RIMS2: variants seen among roughly 807,000 people sequenced by gnomAD.
RIMS2 encodes the protein regulating synaptic membrane exocytosis protein 2.
In RIMS2, 59 loss-of-function variants were observed where a neutral mutation model predicts 174.4. The observed-to-expected ratio is 0.34, with a 90% CI of 0.27 to 0.42. The LOEUF (loss-of-function observed/expected upper bound fraction) is 0.42, where lower values mean the gene tolerates loss of function less well. RIMS2 is among the 10% of genes least tolerant of loss of function. RIMS2 has a pLI of 1.00. For synonymous variants in RIMS2, 606 were observed against 572.5 expected (o/e 1.06, Z -0.84); for missense variants, 1,620 against 1,666.3 (o/e 0.97, Z 0.48).
intron 19 of RIMS2, chr8:104,223,937 A>G: frequency 1.5e-6 from 1 of 660,446 alleles, no homozygotes; most frequent in Non-Finnish European, 2.5e-6. Context: ...CGACAGCCCT[A>G]GAGCACGTCA....
intron 3 of RIMS2, among the ~76,000 whole-genome samples, chr8:103,785,034 G>A (rs1250457710): frequency 7.1e-6 from 1 of 141,224 alleles, no homozygotes; most frequent in East Asian, 2.0e-4. Flanking sequence ...TGAAGCAATT[G>A]TGAATGGGAG....
chr8:103,985,204 G>A (rs1036594350), intron 16 of RIMS2, among the ~76,000 whole-genome samples: 4 of 151,928 alleles, frequency 2.6e-5, no homozygotes, highest in Admixed American at 1.3e-4. Flanking sequence ...GGCCAGGCAC[G>A]GTGGCTTACA....
At chr8:103,572,044 G>A (rs1008226515) in intron 1 of RIMS2, among the ~76,000 whole-genome samples, 7 of 152,038 alleles carry the variant, frequency 4.6e-5, no homozygotes, top group Admixed American at 6.6e-5. Context: ...ACGGACCCTC[G>A]CAGTGAGTGT....
At chr8:103,930,832 A>C (rs530250702) in intron 11 of RIMS2, among the ~76,000 whole-genome samples, 2 of 152,256 alleles carry the variant, frequency 1.3e-5, no homozygotes, top group African/African-American at 4.8e-5. Flanking sequence ...ATTTACTTAA[A>C]AATTCCCTAT....
rs1279797845 is a variant in RIMS2 at position 103,910,532 on chromosome 8, A to G, written c.1692+331A>G. ...AGGAGCATAGCCATAGTGATAAGGT[A>G]CTGAGATTGTGGAGCCTGCCTTTTA... On this transcript the variant is annotated intron_variant, in intron 5 of 23. Transcript: ENST00000504942. The G allele has an allele frequency of 1.9e-6, 3 of 1,573,238 alleles. No homozygotes were observed. The highest frequency in any genetic ancestry group is 1.7e-6 in the Non-Finnish European group (2 of 1,157,472).
At chr8:103,924,649 C>T (rs2078384414) in intron 10 of RIMS2, among the ~76,000 whole-genome samples, 2 of 151,520 alleles carry the variant, frequency 1.3e-5, no homozygotes, top group Non-Finnish European at 3.0e-5. Flanking sequence ...TGCCTGAGAA[C>T]AATGATAATT....
chr8:103,785,002 TTC>T (rs1265750529), intron 3 of RIMS2, among the ~76,000 whole-genome samples: 1 of 141,958 alleles, frequency 7.0e-6, no homozygotes, highest in African/African-American at 2.7e-5. Context: ...GTAAGTTGGA[TTC>T]CTAGGTATTT....
intron 19 of RIMS2, among the ~76,000 whole-genome samples, chr8:104,040,425 T>C (rs932692334): frequency 1.3e-5 from 2 of 151,676 alleles, no homozygotes; most frequent in Non-Finnish European, 3.0e-5. Context: ...TTAACAGACA[T>C]TTTTCTGTTT....
intron 17 of RIMS2, among the ~76,000 whole-genome samples, chr8:103,991,759 G>C (rs141349257): frequency 2.6e-5 from 4 of 152,140 alleles, no homozygotes; most frequent in African/African-American, 9.6e-5. Context: ...TTTTTTATAG[G>C]ATTTGAAACC....
intron 1 of RIMS2, among the ~76,000 whole-genome samples, chr8:103,504,391 T>A (rs191342243): frequency 1.8e-3 from 280 of 152,258 alleles, no homozygotes; most frequent in Non-Finnish European, 2.1e-3. Flanking sequence ...TGTGGGACAA[T>A]GAGGAATCAT....
intron 1 of RIMS2, among the ~76,000 whole-genome samples, chr8:103,590,590 A>T (rs1296711088): frequency 8.5e-6 from 1 of 117,038 alleles, no homozygotes; most frequent in African/African-American, 3.2e-5. Context: ...CCCACCATCT[A>T]GATGTTACAA....
chr8:103,912,225 G>C, intron 6 of RIMS2, 53 bp downstream of exon 9: 1 of 1,405,808 alleles, frequency 7.1e-7, no homozygotes, highest in Non-Finnish European at 9.8e-7. Flanking sequence ...AGATTTACCA[G>C]AAAAGCAAAG....
At chr8:103,782,655 A>C (rs10096287) in intron 3 of RIMS2, among the ~76,000 whole-genome samples, 34,944 of 152,068 alleles carry the variant, frequency 0.23, 4,304 homozygotes, top group Non-Finnish European at 0.25. Context: ...TTCATTAGCC[A>C]ACACAATATT....
chr8:104,245,134 C>G, intron 20 of RIMS2, 77 bp downstream of exon 26: 1 of 1,440,938 alleles, frequency 6.9e-7, no homozygotes, highest in Non-Finnish European at 9.6e-7. Flanking sequence ...CAGAGATTTT[C>G]CAACTCTCAT....
chr8:103,759,564 C>CAAAAAAAAAAAA (rs35946104), intron 2 of RIMS2, among the ~76,000 whole-genome samples: 87 of 69,736 alleles, frequency 1.2e-3, no homozygotes, highest in East Asian at 3.8e-3. Flanking sequence ...GACTCCGTCT[C>CAAAAAAAAAAAA]AAAAAAAAAA....
intron 3 of RIMS2, among the ~76,000 whole-genome samples, chr8:103,868,021 T>G (rs1387161554): frequency 6.6e-6 from 1 of 152,076 alleles, no homozygotes; most frequent in Non-Finnish European, 1.5e-5. Flanking sequence ...AATTTGTTTT[T>G]GGCTTCATTT....
At chr8:103,994,208 A>G (rs754707692) in intron 17 of RIMS2, among the ~76,000 whole-genome samples, 5 of 152,064 alleles carry the variant, frequency 3.3e-5, no homozygotes, top group Non-Finnish European at 5.9e-5. Context: ...CATTCGGCTA[A>G]TTTCATATAG....
At chr8:103,695,458 GAC>G (rs1345755058) in intron 1 of RIMS2, among the ~76,000 whole-genome samples, 1 of 151,566 alleles carries the variant, frequency 6.6e-6, no homozygotes, top group Non-Finnish European at 1.5e-5. Flanking sequence ...AAGTTTTTGA[GAC>G]ACATTTTATT....
In RIMS2 at chr8:103,699,570, C is replaced by A. The variant is rs1458857123; in HGVS notation, c.387+2274C>A. ...ATTGATTTTTCTTTGTTGTTGATTTCTGCTTTGATCTTTTTTTCTTTTTTC... is the reference window on the plus strand; with the variant it reads ...ATTGATTTTTCTTTGTTGTTGATTTATGCTTTGATCTTTTTTTCTTTTTTC... On this transcript the variant is annotated intron_variant, in intron 2 of 23. Coordinates refer to ENST00000504942, the Ensembl canonical transcript of RIMS2. 2.0e-5 allele frequency among the ~76,000 whole-genome samples: 3 copies of A among 151,980 alleles called. No individual in the cohort carries two copies. In the East Asian group the frequency reaches 5.8e-4, roughly 29 times the overall value.
Sources: gnomAD v4.1 joint callset for allele counts (sites outside exome capture counted in the v4.1 genomes callset) on GRCh38, gnomAD v4.1.1 for gene constraint, MANE v1.5 for transcripts, NCBI Gene and HGNC (gene_info 2026-07-23, HGNC 2026-07-21) for gene names.